SETD7: variants seen among roughly 807,000 people sequenced by gnomAD.
SETD7 encodes the protein SET domain containing 7, histone lysine methyltransferase, also known as histone-lysine N-methyltransferase SETD7.
Under a neutral mutation model 41.8 loss-of-function variants are expected in SETD7, and 16 were observed. The ratio of observed to expected loss-of-function variants is 0.38; its 90% CI spans 0.26 to 0.58. The LOEUF is 0.58. Among genes scored for constraint, SETD7 ranks in the 20% least tolerant of loss-of-function variants. SETD7 has a pLI of 0.64. For synonymous variants in SETD7, 163 were observed against 169.7 expected (o/e 0.96, Z 0.31); for missense variants, 346 against 459.7 (o/e 0.75, Z 2.26).
intron 5 of SETD7, among the ~76,000 whole-genome samples, chr4:139,521,152 G>A (rs115496730): frequency 1.6e-4 from 24 of 152,308 alleles, no homozygotes; most frequent in South Asian, 1.2e-3. Context: ...CTGGTCGGGC[G>A]TGGTAGCTGA....
intron 2 of SETD7, among the ~76,000 whole-genome samples, chr4:139,536,196 C>T (rs1250219018): frequency 1.3e-5 from 2 of 152,174 alleles, no homozygotes; most frequent in Non-Finnish European, 2.9e-5. Context: ...AAGCTCTGCT[C>T]ATATCGAAAG....
intron 1 of SETD7, among the ~76,000 whole-genome samples, chr4:139,553,528 A>AG (rs955531518): frequency 6.6e-6 from 1 of 152,228 alleles, no homozygotes; most frequent in African/African-American, 2.4e-5. Flanking sequence ...GGTCTGGTGG[A>AG]GGGCTGTTTT....
intron 2 of SETD7, among the ~76,000 whole-genome samples, chr4:139,536,522 G>C (rs1385906458): frequency 6.6e-6 from 1 of 152,122 alleles, no homozygotes; most frequent in Non-Finnish European, 1.5e-5. Context: ...GACTACCCTG[G>C]CCAACATGGT....
intron 7 of SETD7, among the ~76,000 whole-genome samples, chr4:139,498,861 A>G (rs1253148214): frequency 6.6e-6 from 1 of 152,266 alleles, no homozygotes; most frequent in Non-Finnish European, 1.5e-5. Flanking sequence ...CTGTAATCCC[A>G]GCACTTTGGG....
At chr4:139,535,325 T>C (rs999415982) in intron 2 of SETD7, among the ~76,000 whole-genome samples, 5 of 152,246 alleles carry the variant, frequency 3.3e-5, no homozygotes, top group Admixed American at 6.5e-5. Flanking sequence ...GAATGGGATA[T>C]AATTATACTT....
In SETD7 at chr4:139,507,101, C is replaced by T. The variant is rs1182700903; in HGVS notation, c.*4562G>A. Reference sequence around the variant, plus strand: ...CCCAACTCCACTGAGGGCAGCCTCCCTGACGTGTGTGACTAGGCAGTAAGG... The same window carrying T: ...CCCAACTCCACTGAGGGCAGCCTCCTTGACGTGTGTGACTAGGCAGTAAGG... On this transcript the variant is annotated 3_prime_UTR_variant, in exon 8 of 8. Transcript: ENST00000274031. 1 of 152,716 alleles carries T rather than the reference C, an allele frequency of 6.5e-6. No homozygotes were observed. Among genetic ancestry groups the T allele is most frequent in the African/African-American group, 2.4e-5 (1 of 41,462 alleles). The allele number at this position is 152,716 out of a possible 1,614,324, so 9.5% of individuals were successfully genotyped here.
chr4:139,506,485 A>G lies in SETD7; in HGVS notation c.*5178T>C, dbSNP rs1726707376. 1 of 152,588 alleles carries G rather than the reference A, an allele frequency of 6.6e-6. No homozygotes were observed. Among genetic ancestry groups the G allele is most frequent in the Non-Finnish European group, 1.5e-5 (1 of 68,030 alleles). The allele number at this position is 152,588 out of a possible 1,614,324, so 9.5% of individuals were successfully genotyped here. On this transcript the variant is annotated 3_prime_UTR_variant, in exon 8 of 8. Transcript: ENST00000274031. ...CCAGGAGGAAACTTTTGAAGAAGGG[A>G]GCTCAGAATCATGGACATAATTTTC...
At chr4:139,535,741 A>G (rs1015957550) in intron 2 of SETD7, among the ~76,000 whole-genome samples, 4 of 152,128 alleles carry the variant, frequency 2.6e-5, no homozygotes, top group African/African-American at 9.7e-5. Context: ...AGCAAATCTT[A>G]CTGCGTTATT....
In SETD7 at chr4:139,529,050, G is replaced by A. The variant is rs35062373; in HGVS notation, c.543C>T (p.His181=). 0.033 allele frequency: 53,160 copies of A among 1,613,866 alleles called. 980 individuals are homozygous for A. Among genetic ancestry groups the A allele is most frequent in the South Asian group, 0.042 (3,865 of 91,050 alleles). ...ACTTACTTCCAGGCATCAGTTCAAA[G>A]TGAGGCCTCCCTTCTTCAGTGGACA... ...TLMSTEEGRP[H]FELMPGNSVY... is the part of the protein sequence containing the mutation. Residue 181 remains histidine, a synonymous_variant, in exon 4 of 8, where the codon CAC becomes CAT. Coordinates refer to ENST00000274031, the MANE Select transcript of SETD7 (RefSeq NM_030648.4).
At position 139,533,261 on chromosome 4, in the gene SETD7, G is replaced by A. The variant is rs35527982; in HGVS notation, c.276C>T (p.Asn92=). ...CTGTGTCATATTCCTGGGCTGGACC[G>A]TTCAGCTCTCCGTCTACATACGTGC... ...LQGTYVDGEL[N]GPAQEYDTDG... The change falls in exon 3 of 8, where the codon AAC becomes AAT. Residue 92 remains asparagine, a synonymous_variant. Transcript: ENST00000274031. The A allele has an allele frequency of 1.3e-3, 2,022 of 1,614,076 alleles. 20 individuals are homozygous for A. The African/African-American group carries it at 0.023, about 18-fold the overall frequency.
downstream of SETD7, among the ~76,000 whole-genome samples, chr4:139,495,045 A>G (rs572771837): frequency 2.5e-4 from 38 of 152,336 alleles, no homozygotes; most frequent in South Asian, 6.8e-3. Flanking sequence ...TAAAATGGAC[A>G]TATTTTTCCA....
chr4:139,496,078 A>G (rs922234420), exon 8 of SETD7: 3 of 276,198 alleles, frequency 1.1e-5, no homozygotes, highest in Non-Finnish European at 1.4e-5. Flanking sequence ...CCCACACTTC[A>G]CTTCCCTTAT....
rs1475683238 is a variant in SETD7, at chr4:139,508,201, T to C, written c.*3462A>G. The C allele has an allele frequency of 6.6e-6, 1 of 152,170 alleles. No individual in the cohort carries two copies. The highest frequency in any genetic ancestry group is 1.5e-5 in the Non-Finnish European group (1 of 68,036). 9.4% of individuals were successfully genotyped at this position (152,170 alleles called of 1,614,324 possible). A position where few individuals can be genotyped will look rare whatever the true frequency, so the allele number is the denominator to read the frequency against. On this transcript the variant is annotated 3_prime_UTR_variant, in exon 8 of 8. Transcript: ENST00000274031. ...CTCATTGGCCTTTCTGGGTGGGTCGTTGGTGATAAGGAAATAGTTTTTCGA... is the reference window on the plus strand; with the variant it reads ...CTCATTGGCCTTTCTGGGTGGGTCGCTGGTGATAAGGAAATAGTTTTTCGA...
In SETD7 at chr4:139,511,519, G is replaced by C. The variant is rs916410101; in HGVS notation, c.*144C>G. ...TGAGTAATACAGTCAAACCTAGTTA[G>C]TATGCGAGAAAGTCGTTGCTAACGC... On this transcript the variant is annotated 3_prime_UTR_variant, in exon 8 of 8. Transcript: ENST00000274031. 4.1e-6 allele frequency: 6 copies of C among 1,470,586 alleles called. No homozygotes were observed. In the African/African-American group the frequency reaches 4.3e-5, roughly 10 times the overall value. The allele number at this position is 1,470,586 out of a possible 1,614,324, so 91.1% of individuals were successfully genotyped here. A position where few individuals can be genotyped will look rare whatever the true frequency, so the allele number is the denominator to read the frequency against.
chr4:139,543,591 G>A (rs1727838223), intron 2 of SETD7, among the ~76,000 whole-genome samples: 2 of 152,102 alleles, frequency 1.3e-5, no homozygotes, highest in Admixed American at 1.3e-4. Context: ...TGAGGTCCTC[G>A]CTAACACTAT....
downstream of SETD7, among the ~76,000 whole-genome samples, chr4:139,504,410 GGTAACA>G (rs1385305984): frequency 6.6e-6 from 1 of 152,078 alleles, no homozygotes; most frequent in African/African-American, 2.4e-5. Flanking sequence ...CTATCTGCAA[GGTAACA>G]GTCATTTTCT....
chr4:139,547,221 A>G (rs1727985908), intron 1 of SETD7, among the ~76,000 whole-genome samples, 172 bp from the exon 2 acceptor site: 2 of 152,200 alleles, frequency 1.3e-5, no homozygotes, highest in African/African-American at 4.8e-5. Flanking sequence ...TTCTCACCTC[A>G]TCGGCACCAG....
chr4:139,498,701 C>T (rs1009068190), intron 7 of SETD7, among the ~76,000 whole-genome samples: 1 of 152,194 alleles, frequency 6.6e-6, no homozygotes, highest in Admixed American at 6.5e-5. Context: ...TGAGTCCCAT[C>T]CTTCCCAGAG....
At chr4:139,552,976 C>G (rs377256143) in intron 1 of SETD7, among the ~76,000 whole-genome samples, 1 of 152,150 alleles carries the variant, frequency 6.6e-6, no homozygotes, top group Non-Finnish European at 1.5e-5. Flanking sequence ...CACTGGAAAA[C>G]TAAACATCAC....
Sources: gnomAD v4.1 joint callset for allele counts (sites outside exome capture counted in the v4.1 genomes callset) on GRCh38, gnomAD v4.1.1 for gene constraint, MANE v1.5 for transcripts, NCBI Gene and HGNC (gene_info 2026-07-23, HGNC 2026-07-21) for gene names.